ADORA2B: variants seen among roughly 807,000 people sequenced by gnomAD.
ADORA2B encodes adenosine A2b receptor, also known as adenosine receptor A2b.
In ADORA2B, 18 loss-of-function variants were observed where a neutral mutation model predicts 20.8. The ratio of observed to expected loss-of-function variants is 0.87; its 90% CI spans 0.60 to 1.29. The LOEUF is 1.29. ADORA2B is among the 50% of genes most tolerant of loss of function. The pLI, the probability that ADORA2B is intolerant of heterozygous loss-of-function variation, is 0.00. For synonymous variants in ADORA2B, 179 were observed against 178.3 expected (o/e 1.00, Z -0.03); for missense variants, 441 against 422.7 (o/e 1.04, Z -0.38).
At chr17:15,903,191 G>A in the ADORA2B span, among the ~76,000 whole-genome samples, 2 of 152,274 alleles carry the variant, frequency 1.3e-5, no homozygotes, top group Admixed American at 6.5e-5. Flanking sequence ...TTTCTGGACT[G>A]TCTATTTTGG....
the ADORA2B span, among the ~76,000 whole-genome samples, chr17:15,933,789 T>TAGAA: frequency 3.3e-5 from 5 of 151,868 alleles, no homozygotes; most frequent in Admixed American, 2.6e-4. Context: ...TATATATATA[T>TAGAA]AGAGAGAGAG....
At chr17:15,852,008 G>A in the ADORA2B span, among the ~76,000 whole-genome samples, 4 of 152,108 alleles carry the variant, frequency 2.6e-5, no homozygotes, top group East Asian at 1.9e-4. Flanking sequence ...TGAGCACTTC[G>A]TATGTTTACA....
At chr17:15,890,331 CTTGAG>C in the ADORA2B span, among the ~76,000 whole-genome samples, 37 of 128,496 alleles carry the variant, frequency 2.9e-4, 10 homozygotes, top group Admixed American at 1.5e-3. Context: ...CCAATTTTTA[CTTGAG>C]TTATCTATCT....
the ADORA2B span, among the ~76,000 whole-genome samples, chr17:15,916,071 C>T: frequency 9.2e-5 from 14 of 152,304 alleles, no homozygotes; most frequent in Middle Eastern, 3.4e-3. Flanking sequence ...AGTCGGCTGC[C>T]CTGGCTGTCA....
At chr17:15,929,302 T>C in the ADORA2B span, among the ~76,000 whole-genome samples, 1 of 152,224 alleles carries the variant, frequency 6.6e-6, no homozygotes, top group East Asian at 1.9e-4. Flanking sequence ...TGAAGTGGAA[T>C]CCAGACTAAA....
the ADORA2B span, among the ~76,000 whole-genome samples, chr17:15,862,211 C>CTTTTTTTTTTT: frequency 8.7e-4 from 84 of 96,244 alleles, no homozygotes; most frequent in Non-Finnish European, 1.1e-3. Context: ...CTTTTCTTTT[C>CTTTTTTTTTTT]TTTTTTTTTT....
the ADORA2B span, among the ~76,000 whole-genome samples, chr17:15,900,165 A>G: frequency 1.3e-5 from 2 of 152,154 alleles, no homozygotes; most frequent in Non-Finnish European, 2.9e-5. Flanking sequence ...CCACTGATGG[A>G]CACCTAAGTT....
chr17:15,874,482 G>T, the ADORA2B span, among the ~76,000 whole-genome samples: 1 of 151,738 alleles, frequency 6.6e-6, no homozygotes, highest in East Asian at 1.9e-4. Context: ...AAGGCCAGGA[G>T]TTTGAAACCA....
the ADORA2B span, among the ~76,000 whole-genome samples, chr17:15,855,757 G>A: frequency 1.3e-5 from 2 of 152,030 alleles, no homozygotes; most frequent in African/African-American, 4.8e-5. Context: ...GGTATATTGT[G>A]GGATGCTGAG....
chr17:15,945,744 G>A (rs1367232499), intron 1 of ADORA2B, among the ~76,000 whole-genome samples, 161 bp downstream of exon 1: 1 of 152,144 alleles, frequency 6.6e-6, no homozygotes, highest in Non-Finnish European at 1.5e-5. Flanking sequence ...ACCCCGCAAC[G>A]CTAGACCAGT....
the ADORA2B span, among the ~76,000 whole-genome samples, chr17:15,887,651 A>T: frequency 7.0e-5 from 9 of 128,336 alleles, 1 homozygote; most frequent in Admixed American, 6.9e-4. Context: ...GCATTTTTTT[A>T]AATTTTAAAA....
the ADORA2B span, among the ~76,000 whole-genome samples, chr17:15,862,128 C>T: frequency 6.6e-6 from 1 of 151,508 alleles, no homozygotes; most frequent in Non-Finnish European, 1.5e-5. Flanking sequence ...AAGGTCAAAA[C>T]TTTCATGAAG....
At chr17:15,851,825 G>A in the ADORA2B span, among the ~76,000 whole-genome samples, 2 of 152,160 alleles carry the variant, frequency 1.3e-5, no homozygotes, top group South Asian at 2.1e-4. Flanking sequence ...AAAAGGAAGT[G>A]TATTTGACCT....
At chr17:15,937,326 A>C in the ADORA2B span, among the ~76,000 whole-genome samples, 1,510 of 152,300 alleles carry the variant, frequency 9.9e-3, 32 homozygotes, top group African/African-American at 0.034. Context: ...TCAGCTGATA[A>C]TTGGATAGCA....
chr17:15,970,403 A>T (rs978955461), intron 1 of ADORA2B, among the ~76,000 whole-genome samples: 1 of 151,928 alleles, frequency 6.6e-6, no homozygotes, highest in Admixed American at 6.6e-5. Context: ...GATGGGGTGG[A>T]CTCCAGTTGT....
intron 1 of ADORA2B, among the ~76,000 whole-genome samples, chr17:15,961,385 G>A (rs1480799644): frequency 6.6e-6 from 1 of 151,978 alleles, no homozygotes; most frequent in Non-Finnish European, 1.5e-5. Context: ...AAACCTTTTT[G>A]GTGGCAATAC....
chr17:15,960,297 G>A (rs111343632), intron 1 of ADORA2B, among the ~76,000 whole-genome samples: 3 of 93,178 alleles, frequency 3.2e-5, no homozygotes, highest in African/African-American at 7.3e-5. Context: ...GCTCACGCCT[G>A]TAATCCCAGC....
chr17:15,969,525 A>G (rs764516245), intron 1 of ADORA2B, among the ~76,000 whole-genome samples: 19 of 152,154 alleles, frequency 1.2e-4, no homozygotes, highest in Non-Finnish European at 2.2e-4. Context: ...CATTTTCAGC[A>G]GTGTGCCCGC....
the ADORA2B span, among the ~76,000 whole-genome samples, chr17:15,866,506 C>T: frequency 8.7e-5 from 13 of 150,044 alleles, no homozygotes; most frequent in South Asian, 6.4e-4. Flanking sequence ...TGGTGGGGAG[C>T]GGGGGTATTG....
Sources: gnomAD v4.1 joint callset for allele counts (sites outside exome capture counted in the v4.1 genomes callset) on GRCh38, gnomAD v4.1.1 for gene constraint, MANE v1.5 for transcripts, NCBI Gene and HGNC (gene_info 2026-07-23, HGNC 2026-07-21) for gene names.